The following HS3ST4 variants were observed in gnomAD, a reference collection of about 807,000 sequenced individuals.
HS3ST4 encodes the protein heparan sulfate glucosamine 3-O-sulfotransferase 4.
HS3ST4 carries 17 observed loss-of-function variants against 29.2 expected under a neutral mutation model. The observed-to-expected ratio is 0.58, with a 90% CI of 0.40 to 0.87. HS3ST4 has a LOEUF of 0.87. Among genes scored for constraint, HS3ST4 ranks in the 40% least tolerant of loss-of-function variants. The probability of loss-of-function intolerance (pLI) is 0.00; values close to 1 mark genes in which losing one functional copy is unlikely to be tolerated. For missense variants in HS3ST4, 627 were observed against 634.5 expected, an observed-to-expected ratio of 0.99 and a Z score of 0.13; for synonymous variants, 314 against 285.7, an observed-to-expected ratio of 1.10 and a Z score of -1.00.
intron 1 of HS3ST4, among the ~76,000 whole-genome samples, chr16:25,788,540 CTTTCTTTTTTTT>C (rs969684204): frequency 2.0e-5 from 2 of 99,070 alleles, no homozygotes; most frequent in African/African-American, 8.3e-5. Context: ...TTCTTTTCTT[CTTTCTTTTTTTT>C]TTTTTTTTGA....
At chr16:26,075,334 G>A (rs1898649705) in intron 1 of HS3ST4, among the ~76,000 whole-genome samples, 1 of 152,160 alleles carries the variant, frequency 6.6e-6, no homozygotes, top group Admixed American at 6.5e-5. Context: ...ATAGTACTCA[G>A]AGCACTCTAT....
In HS3ST4 at chr16:25,933,495, C is replaced by T. The variant is rs73517531; in HGVS notation, c.735-202117C>T. 4.2e-4 allele frequency: 191 copies of T among 456,126 alleles called. 1 individual carries two copies. The highest frequency in any genetic ancestry group is 3.2e-3 in the African/African-American group (159 of 50,240). The allele number at this position is 456,126 out of a possible 1,614,324, so 28.3% of individuals were successfully genotyped here. On this transcript the variant is annotated intron_variant, in intron 1 of 1. Coordinates refer to ENST00000331351, the MANE Select transcript of HS3ST4 (RefSeq NM_006040.3). ...AGAGTGGAACACAAAATTTTAGATGCCACAGCGAGAGTAGGCCTCTCTTTA... is the reference window on the plus strand; with the variant it reads ...AGAGTGGAACACAAAATTTTAGATGTCACAGCGAGAGTAGGCCTCTCTTTA...
intron 1 of HS3ST4, among the ~76,000 whole-genome samples, chr16:25,708,872 A>C (rs1255916016): frequency 1.3e-5 from 2 of 152,116 alleles, no homozygotes; most frequent in Non-Finnish European, 2.9e-5. Context: ...ATCCACTAGG[A>C]GGAAGAAATT....
intron 1 of HS3ST4, among the ~76,000 whole-genome samples, chr16:26,132,165 A>G (rs556520997): frequency 6.6e-6 from 1 of 152,302 alleles, no homozygotes; most frequent in African/African-American, 2.4e-5. Flanking sequence ...GTTTACTGTT[A>G]CATTACCCAT....
At chr16:25,741,641 G>T (rs1966654188) in intron 1 of HS3ST4, among the ~76,000 whole-genome samples, 1 of 152,144 alleles carries the variant, frequency 6.6e-6, no homozygotes. Flanking sequence ...TGTTTCTGTT[G>T]TTAACATACC....
At chr16:25,730,940 A>G (rs1180931617) in intron 1 of HS3ST4, among the ~76,000 whole-genome samples, 3 of 152,166 alleles carry the variant, frequency 2.0e-5, no homozygotes, top group African/African-American at 7.2e-5. Flanking sequence ...CAGTGAAATG[A>G]CACACATTAA....
At chr16:25,943,649 C>G (rs1389278134) in intron 1 of HS3ST4, among the ~76,000 whole-genome samples, 1 of 152,086 alleles carries the variant, frequency 6.6e-6, no homozygotes, top group East Asian at 1.9e-4. Context: ...AATAGAATAC[C>G]AAACTCCATT....
At chr16:25,776,585 G>A (rs555771862) in intron 1 of HS3ST4, among the ~76,000 whole-genome samples, 119 of 152,280 alleles carry the variant, frequency 7.8e-4, no homozygotes, top group African/African-American at 2.7e-3. Context: ...TCACGGGTGC[G>A]CATCCTCAAC....
chr16:25,979,451 G>A (rs1228759479), intron 1 of HS3ST4, among the ~76,000 whole-genome samples: 3 of 152,102 alleles, frequency 2.0e-5, no homozygotes, highest in Non-Finnish European at 2.9e-5. Context: ...GATCAGCAGA[G>A]GCATTAGATT....
At chr16:25,886,034 T>G (rs369518670) in intron 1 of HS3ST4, among the ~76,000 whole-genome samples, 10 of 130,720 alleles carry the variant, frequency 7.6e-5, no homozygotes, top group African/African-American at 1.1e-4. Context: ...GTGGTTTTTT[T>G]TTTTTTTTTT....
intron 1 of HS3ST4, among the ~76,000 whole-genome samples, chr16:25,767,458 A>G (rs1271000455): frequency 2.6e-5 from 4 of 152,092 alleles, no homozygotes; most frequent in African/African-American, 4.8e-5. Flanking sequence ...TCCAGTTTCC[A>G]TGGGAGGTGG....
intron 1 of HS3ST4, among the ~76,000 whole-genome samples, chr16:25,877,056 C>T (rs1369989292): frequency 6.6e-6 from 1 of 151,984 alleles, no homozygotes; most frequent in Admixed American, 6.6e-5. Flanking sequence ...GAAAGGATGT[C>T]ATCCTAGATG....
intron 1 of HS3ST4, among the ~76,000 whole-genome samples, chr16:25,809,652 A>T (rs979416832): frequency 6.6e-6 from 1 of 152,120 alleles, no homozygotes; most frequent in Non-Finnish European, 1.5e-5. Context: ...TTTTTTTGGA[A>T]TGTTAAAATT....
chr16:26,071,767 C>T (rs1488473564), intron 1 of HS3ST4, among the ~76,000 whole-genome samples: 1 of 152,070 alleles, frequency 6.6e-6, no homozygotes, highest in African/African-American at 2.4e-5. Context: ...TTGAAGGGAG[C>T]GCTCACTCTC....
intron 1 of HS3ST4, among the ~76,000 whole-genome samples, chr16:25,841,155 G>A (rs1338339087): frequency 2.0e-5 from 3 of 151,788 alleles, no homozygotes; most frequent in African/African-American, 2.4e-5. Context: ...ACAGGTGCCC[G>A]CCACCTCACC....
At chr16:25,973,140 G>C (rs941266925) in intron 1 of HS3ST4, among the ~76,000 whole-genome samples, 1 of 152,170 alleles carries the variant, frequency 6.6e-6, no homozygotes, top group African/African-American at 2.4e-5. Context: ...TGTGCTGTCG[G>C]GGGAAGGCAG....
chr16:26,094,449 G>A (rs1326607374), intron 1 of HS3ST4, among the ~76,000 whole-genome samples: 3 of 152,122 alleles, frequency 2.0e-5, no homozygotes, highest in Non-Finnish European at 2.9e-5. Context: ...AAGAGAGTGG[G>A]GGCCAATATT....
At chr16:26,067,137 C>T (rs1027019333) in intron 1 of HS3ST4, among the ~76,000 whole-genome samples, 1 of 152,140 alleles carries the variant, frequency 6.6e-6, no homozygotes, top group African/African-American at 2.4e-5. Context: ...CTCTACTTAA[C>T]AACACTTCCA....
intron 1 of HS3ST4, among the ~76,000 whole-genome samples, chr16:25,709,052 C>T (rs754982272): frequency 6.6e-5 from 10 of 151,388 alleles, no homozygotes; most frequent in Non-Finnish European, 1.3e-4. Context: ...TTTAATGGCT[C>T]ATGTATCTGA....
Sources: allele counts gnomAD v4.1 joint callset (sites outside exome capture counted in the v4.1 genomes callset), GRCh38; gene constraint gnomAD v4.1.1; transcripts MANE v1.5; gene names NCBI Gene and HGNC (gene_info 2026-07-23, HGNC 2026-07-21).